DST: variants seen among roughly 807,000 people sequenced by gnomAD.
DST encodes the protein bullous pemphigoid antigen.
In DST, 253 loss-of-function variants were observed where a neutral mutation model predicts 875.2. That is an observed-to-expected ratio of 0.29 (90% CI 0.26 to 0.32). The LOEUF (loss-of-function observed/expected upper bound fraction) is 0.32. Ranked by LOEUF, DST falls within the 10% of genes least tolerant of loss-of-function variation. The probability of loss-of-function intolerance (pLI) is 1.00; values close to 1 mark genes in which losing one functional copy is unlikely to be tolerated. For synonymous variants in DST, 3,124 were observed against 3,197.1 expected (o/e 0.98, Z 0.77); for missense variants, 8,287 against 9,111.6 (o/e 0.91, Z 3.68).
chr6:56,782,786 T>C (rs1159491004), intron 4 of DST, among the ~76,000 whole-genome samples: 1 of 152,234 alleles, frequency 6.6e-6, no homozygotes, highest in African/African-American at 2.4e-5. Flanking sequence ...TGTTTGCTCT[T>C]GCTTCTCTAG....
chr6:56,547,647 GT>G (rs1476405474), intron 61 of DST, among the ~76,000 whole-genome samples: 2 of 152,292 alleles, frequency 1.3e-5, no homozygotes, highest in Non-Finnish European at 2.9e-5. Flanking sequence ...TATTAAAGCA[GT>G]TTTTGGACAG....
At chr6:56,928,662 A>T (rs141175605) in intron 2 of DST, among the ~76,000 whole-genome samples, 1 of 152,344 alleles carries the variant, frequency 6.6e-6, no homozygotes, top group Non-Finnish European at 1.5e-5. Context: ...TGCGGATGAT[A>T]TGTTATTACA....
rs547126345 is a variant in DST, at chr6:56,617,244, C to G, written c.4930-2760G>C. 6.2e-7 allele frequency: 1 copy of G among 1,608,204 alleles called. No homozygotes were observed. The highest frequency in any genetic ancestry group is 1.1e-5 in the South Asian group (1 of 90,066). On this transcript the variant is annotated intron_variant, in intron 36 of 103. Transcript: ENST00000680361. ...CTGACTGAACATGCATGATCACCAT[C>G]AAAGTTCTGGAAGGTCTCTGGTTCT... is the stretch of plus-strand genomic sequence containing the variant.
chr6:56,665,130 T>A (rs1459663410), intron 10 of DST, among the ~76,000 whole-genome samples: 4 of 152,190 alleles, frequency 2.6e-5, no homozygotes, highest in Non-Finnish European at 5.9e-5. Flanking sequence ...CTCTTACTCG[T>A]TCTAAAAATC....
At chr6:56,525,147 A>G (rs2096774787) in intron 69 of DST, among the ~76,000 whole-genome samples, 1 of 152,182 alleles carries the variant, frequency 6.6e-6, no homozygotes, top group Non-Finnish European at 1.5e-5. Flanking sequence ...TTCTCAAGAA[A>G]TTCTTACTCC....
At chr6:56,660,851 T>C (rs555251757) in intron 10 of DST, among the ~76,000 whole-genome samples, 1 of 151,710 alleles carries the variant, frequency 6.6e-6, no homozygotes, top group Admixed American at 6.6e-5. Context: ...ACAAAGTGAC[T>C]CTCCATTAAC....
At chr6:56,918,613 C>T (rs1159941804) in intron 2 of DST, among the ~76,000 whole-genome samples, 2 of 152,166 alleles carry the variant, frequency 1.3e-5, no homozygotes, top group Admixed American at 6.5e-5. Context: ...AGAGATACTA[C>T]AGGTACCAAC....
intron 88 of DST, chr6:56,484,810 C>G (rs1174465198): frequency 6.5e-6 from 1 of 153,046 alleles, no homozygotes; most frequent in Admixed American, 6.5e-5. Context: ...ATAGCATAAG[C>G]TGCTGACTCA....
At chr6:56,467,003 G>A (rs565085892) in intron 98 of DST, 21 of 152,228 alleles carry the variant, frequency 1.4e-4, no homozygotes, top group Admixed American at 3.9e-4. Flanking sequence ...AATTCTGCAA[G>A]TCCTGAATAA....
At chr6:56,619,269 T>C in intron 36 of DST, 1 of 1,613,048 alleles carries the variant, frequency 6.2e-7, no homozygotes, top group Non-Finnish European at 8.5e-7. Flanking sequence ...CTCTGCATCA[T>C]TAATTTGGTT....
chr6:56,652,957 G>A (rs1162847347), intron 10 of DST, among the ~76,000 whole-genome samples: 2 of 152,182 alleles, frequency 1.3e-5, no homozygotes, highest in South Asian at 2.1e-4. Flanking sequence ...ATGTATAGCA[G>A]TCTAGACAAA....
intron 34 of DST, 138 bp downstream of exon 34, chr6:56,627,066 A>T: frequency 1.4e-6 from 1 of 711,820 alleles, no homozygotes; most frequent in African/African-American, 1.8e-5. Context: ...TTCACAAAGA[A>T]TTATTAGATA....
At chr6:56,630,417 G>A (rs566862164) in intron 30 of DST, 34 bp from the exon 31 acceptor site, 1 of 1,595,088 alleles carries the variant, frequency 6.3e-7, no homozygotes, top group South Asian at 1.1e-5. Flanking sequence ...GCCACCTATG[G>A]TTAAATGTTT....
intron 4 of DST, among the ~76,000 whole-genome samples, chr6:56,814,658 G>A (rs747210817): frequency 1.3e-5 from 2 of 152,116 alleles, no homozygotes; most frequent in Non-Finnish European, 2.9e-5. Context: ...ATTGCACCAC[G>A]CCACAGAACT....
Position 56,619,363 on chromosome 6 carries a change from C to G in DST, c.4930-4879G>C, listed in dbSNP as rs760185197. The G allele has an allele frequency of 3.1e-6, 5 of 1,613,502 alleles. No individual in the cohort carries two copies. In the Admixed American group the frequency reaches 6.7e-5, roughly 22 times the overall value. ...TACTTTTCTCCAATTCTTCATTGAGCCTTTGGATTTTATCATTATTTTCTT... is the reference window on the plus strand; with the variant it reads ...TACTTTTCTCCAATTCTTCATTGAGGCTTTGGATTTTATCATTATTTTCTT... On this transcript the variant is annotated intron_variant, in intron 36 of 103. Transcript: ENST00000680361.
At chr6:56,929,141 A>G (rs1808788894) in intron 2 of DST, among the ~76,000 whole-genome samples, 2 of 152,174 alleles carry the variant, frequency 1.3e-5, no homozygotes, top group South Asian at 4.1e-4. Context: ...ATTAAAATAA[A>G]CCATTGTAAA....
At chr6:56,693,672 T>C (rs1400528696) in intron 9 of DST, among the ~76,000 whole-genome samples, 1 of 152,164 alleles carries the variant, frequency 6.6e-6, no homozygotes, top group Admixed American at 6.6e-5. Context: ...AGAGACTCTC[T>C]ACCCTCTACC....
chr6:56,460,351 C>G, intron 102 of DST, 97 bp from the exon 103 acceptor site: 1 of 1,349,136 alleles, frequency 7.4e-7, no homozygotes, highest in Non-Finnish European at 1.0e-6. Context: ...AAACTCTCTA[C>G]TATTCCTCTT....
intron 3 of DST, among the ~76,000 whole-genome samples, chr6:56,884,168 T>C (rs1783533545): frequency 6.6e-6 from 1 of 152,138 alleles, no homozygotes; most frequent in Non-Finnish European, 1.5e-5. Flanking sequence ...TTCCCCCACT[T>C]TCTCTTTTTT....
Sources: gnomAD v4.1 joint callset for allele counts (sites outside exome capture counted in the v4.1 genomes callset) on GRCh38, gnomAD v4.1.1 for gene constraint, MANE v1.5 for transcripts, NCBI Gene and HGNC (gene_info 2026-07-23, HGNC 2026-07-21) for gene names.